The following CHSY1 variants were observed in gnomAD, a reference collection of about 807,000 sequenced individuals.
CHSY1 encodes the protein chondroitin sulfate synthase 1, also known as N-acetylgalactosaminyl-proteoglycan 3-beta-glucuronosyltransferase 1.
Under a neutral mutation model 59.8 loss-of-function variants are expected in CHSY1, and 13 were observed. The observed-to-expected ratio is 0.22, with a 90% CI of 0.14 to 0.35. The LOEUF (loss-of-function observed/expected upper bound fraction) is 0.35. CHSY1 is among the 10% of genes least tolerant of loss of function. The pLI is 1.00. For missense variants in CHSY1, 947 were observed against 1,030.6 expected (o/e 0.92, Z 1.11); for synonymous variants, 459 against 401.2 (o/e 1.14, Z -1.72).
At chr15:101,247,917 T>C (rs2039067373) in intron 1 of CHSY1, among the ~76,000 whole-genome samples, 1 of 152,210 alleles carries the variant, frequency 6.6e-6, no homozygotes, top group Non-Finnish European at 1.5e-5. Context: ...GTTGTTGGAA[T>C]GAAGAGGTTG....
At chr15:101,184,851 T>G in intron 2 of CHSY1, among the ~76,000 whole-genome samples, 1 of 152,224 alleles carries the variant, frequency 6.6e-6, no homozygotes, top group South Asian at 2.1e-4. Context: ...TTAATGTTGC[T>G]ACGGTATATA....
At chr15:101,232,709 A>C (rs1481009272) in intron 2 of CHSY1, among the ~76,000 whole-genome samples, 1 of 152,282 alleles carries the variant, frequency 6.6e-6, no homozygotes, top group Admixed American at 6.5e-5. Flanking sequence ...AGTCTGAGAA[A>C]AGATACTCTA....
intron 2 of CHSY1, among the ~76,000 whole-genome samples, chr15:101,201,132 G>A (rs1282345402): frequency 2.6e-5 from 4 of 151,960 alleles, no homozygotes; most frequent in Admixed American, 2.0e-4. Context: ...GAGGTGGTCG[G>A]GGGTGGCGGG....
chr15:101,204,141 AACT>A (rs1177574893), intron 2 of CHSY1, among the ~76,000 whole-genome samples: 1 of 152,166 alleles, frequency 6.6e-6, no homozygotes, highest in Non-Finnish European at 1.5e-5. Context: ...GTTCAGAAAA[AACT>A]AATGTAGGCC....
Position 101,195,247 on chromosome 15 carries a change from T to C in CHSY1, c.817-16267A>G, listed in dbSNP as rs1462871022. Among the ~76,000 whole-genome samples, 9 of 152,354 alleles carry C rather than the reference T, an allele frequency of 5.9e-5. No homozygotes were observed. The South Asian group carries it at 1.7e-3, about 28-fold the overall frequency. On this transcript the variant is annotated intron_variant, in intron 2 of 2. Transcript: ENST00000254190. ...TATAAGATTACAAAACTAATTATAC[T>C]TTGCAAACTATACAGTACTTACATA... is the stretch of plus-strand genomic sequence containing the variant.
At chr15:101,239,646 T>C (rs1163659315) in intron 1 of CHSY1, among the ~76,000 whole-genome samples, 1 of 152,236 alleles carries the variant, frequency 6.6e-6, no homozygotes, top group Admixed American at 6.5e-5. Context: ...AACAGGAAAG[T>C]GTGGGCTCCA....
At chr15:101,201,133 G>A (rs189116638) in intron 2 of CHSY1, among the ~76,000 whole-genome samples, 1 of 151,950 alleles carries the variant, frequency 6.6e-6, no homozygotes, top group East Asian at 1.9e-4. Flanking sequence ...AGGTGGTCGG[G>A]GGTGGCGGGG....
Position 101,235,233 on chromosome 15 carries a change from C to A in CHSY1, c.665G>T (p.Gly222Val). 1 of 1,614,060 alleles carries A rather than the reference C, an allele frequency of 6.2e-7. No individual in the cohort carries two copies. Among genetic ancestry groups the A allele is most frequent in the Non-Finnish European group, 8.5e-7 (1 of 1,179,986 alleles). Reference sequence around the variant, plus strand: ...CTCCCGGCTCATGATCACGCCAGGCCCCCCCATGCAGAAGTTCTCACCAGG... The same window carrying A: ...CTCCCGGCTCATGATCACGCCAGGCACCCCCATGCAGAAGTTCTCACCAGG... ...LEPGENFCMGGPGVIMSREVL... is the reference protein window; with the variant it reads ...LEPGENFCMGVPGVIMSREVL... Residue 222 changes from glycine (G) to valine (V), a missense_variant, in exon 2 of 3, where the codon GGG becomes GTG. Gly to Val is a moderately radical substitution (Grantham distance 109, BLOSUM62 -3). Coordinates refer to ENST00000254190, the MANE Select transcript of CHSY1 (RefSeq NM_014918.5).
rs111948998 is a variant in CHSY1, at chr15:101,206,963, G to A, written c.817-27983C>T. Among the ~76,000 whole-genome samples the A allele has an allele frequency of 3.5e-3, 537 of 152,258 alleles. 3 individuals are homozygous for A. The highest frequency in any genetic ancestry group is 0.012 in the African/African-American group (492 of 41,548). On this transcript the variant is annotated intron_variant, in intron 2 of 2. Coordinates refer to ENST00000254190, the MANE Select transcript of CHSY1 (RefSeq NM_014918.5). ...TTAATGTTCTAGGAACGTATGCCAC[G>A]CATTTCCACTGGCTATCCAGTACCA...
At chr15:101,244,221 G>GT (rs1430351573) in intron 1 of CHSY1, among the ~76,000 whole-genome samples, 7 of 152,168 alleles carry the variant, frequency 4.6e-5, no homozygotes, top group Non-Finnish European at 7.3e-5. Context: ...TCAACAACAG[G>GT]TGGAAGCACT....
chr15:101,231,509 G>C (rs1465973799), intron 2 of CHSY1, among the ~76,000 whole-genome samples: 1 of 152,134 alleles, frequency 6.6e-6, no homozygotes, highest in East Asian at 1.9e-4. Context: ...GACAGTATTG[G>C]CTATTAAAAA....
In CHSY1 at chr15:101,177,678, C is replaced by T. The variant is rs773030000; in HGVS notation, c.2119G>A (p.Gly707Ser). The change falls in exon 3 of 3, where the codon GGT (glycine) becomes AGT (serine). Residue 707 changes from glycine (G) to serine (S), a missense_variant. Gly to Ser is a moderately conservative substitution (Grantham distance 56, BLOSUM62 0). This residue lies in a region of CHSY1 where 602 missense variants were observed against 676.9 expected (regional missense o/e 0.89). Transcript: ENST00000254190. ...CIYKGDLVRV[G>S]GFDVSIQGWG... The stretch of plus-strand genomic sequence containing the variant: ...CCTTGGATGGAAACATCAAAGCCAC[C>T]CACTCGGACAAGATCTCCCTTATAA... 6.2e-7 allele frequency: 1 copy of T among 1,614,172 alleles called. No individual in the cohort carries two copies. The highest frequency in any genetic ancestry group is 8.5e-7 in the Non-Finnish European group (1 of 1,180,038).
At chr15:101,232,920 C>T (rs577614558) in intron 2 of CHSY1, among the ~76,000 whole-genome samples, 2 of 152,194 alleles carry the variant, frequency 1.3e-5, no homozygotes, top group South Asian at 2.1e-4. Flanking sequence ...TTTAAAGAAA[C>T]GCAGAGCAGC....
chr15:101,235,665 G>A lies in CHSY1; in HGVS notation c.321-88C>T, dbSNP rs186365288. The stretch of plus-strand genomic sequence containing the variant: ...CGTTATCTGCTCATCTTGTATCGCC[G>A]TGTTCAATGGAATGATAAAAAGCTA... On this transcript the variant is annotated intron_variant, in intron 1 of 2. Transcript: ENST00000254190. The A allele has an allele frequency of 4.6e-5, 65 of 1,415,468 alleles. No individual in the cohort carries two copies. The East Asian group carries it at 6.9e-4, about 15-fold the overall frequency. 87.7% of individuals were successfully genotyped at this position (1,415,468 alleles called of 1,614,324 possible). A position where few individuals can be genotyped will look rare whatever the true frequency, so the allele number is the denominator to read the frequency against.
At chr15:101,181,594 G>T (rs1358457525) in intron 2 of CHSY1, among the ~76,000 whole-genome samples, 1 of 152,150 alleles carries the variant, frequency 6.6e-6, no homozygotes, top group Non-Finnish European at 1.5e-5. Context: ...TCTCTCTCCA[G>T]CCCCACTGGG....
In CHSY1 at chr15:101,176,266, A is replaced by G. The variant is rs527768464; in HGVS notation, c.*1122T>C. 6.3e-5 allele frequency: 25 copies of G among 398,562 alleles called. No homozygotes were observed. The highest frequency in any genetic ancestry group is 5.1e-4 in the South Asian group (4 of 7,856). The allele number at this position is 398,562 out of a possible 1,614,324, so 24.7% of individuals were successfully genotyped here. ...GTATTTCAGATACAAAGGATAAAACAAAACAGTAATGAAAGAATGAAAACC... is the reference window on the plus strand; with the variant it reads ...GTATTTCAGATACAAAGGATAAAACGAAACAGTAATGAAAGAATGAAAACC... On this transcript the variant is annotated 3_prime_UTR_variant, in exon 3 of 3. Transcript: ENST00000254190.
intron 2 of CHSY1, among the ~76,000 whole-genome samples, chr15:101,232,210 T>C (rs1157015949): frequency 6.6e-6 from 1 of 152,184 alleles, no homozygotes; most frequent in Non-Finnish European, 1.5e-5. Context: ...AATAAGTACC[T>C]TCCAAGTCCC....
At chr15:101,182,784 A>G (rs1402203811) in intron 2 of CHSY1, among the ~76,000 whole-genome samples, 1 of 152,238 alleles carries the variant, frequency 6.6e-6, no homozygotes, top group Non-Finnish European at 1.5e-5. Context: ...CAAAGACACT[A>G]GTTTTAAAAG....
chr15:101,249,510 ATTT>A (rs34753057), intron 1 of CHSY1, among the ~76,000 whole-genome samples: 15 of 113,038 alleles, frequency 1.3e-4, no homozygotes, highest in South Asian at 1.1e-3. Context: ...GATAGATAGA[ATTT>A]TTTTTTTTTT....
Sources: allele counts gnomAD v4.1 joint callset (sites outside exome capture counted in the v4.1 genomes callset), GRCh38; gene constraint gnomAD v4.1.1; regional missense constraint gnomAD v4.1.1; transcripts MANE v1.5; gene names NCBI Gene and HGNC (gene_info 2026-07-23, HGNC 2026-07-21).